Variants in TMOD1 observed in about 807,000 individuals in gnomAD.
TMOD1 encodes tropomodulin 1.
Under a neutral mutation model 40.6 loss-of-function variants are expected in TMOD1, and 17 were observed. The observed-to-expected ratio is 0.42, with a 90% CI of 0.29 to 0.63. The LOEUF is 0.63. Ranked by LOEUF, TMOD1 falls within the 20% of genes least tolerant of loss-of-function variation. The probability of loss-of-function intolerance (pLI) is 0.22; values close to 1 mark genes in which losing one functional copy is unlikely to be tolerated. For missense variants in TMOD1, 391 were observed against 447.6 expected, an observed-to-expected ratio of 0.87 and a Z score of 1.14; for synonymous variants, 181 against 175.0, an observed-to-expected ratio of 1.03 and a Z score of -0.27.
At chr9:97,514,275 C>CTTTTTTTTTTTTTTTTT (rs71369513) in intron 1 of TMOD1, among the ~76,000 whole-genome samples, 1 of 121,808 alleles carries the variant, frequency 8.2e-6, no homozygotes, top group Non-Finnish European at 1.7e-5. Context: ...TTTTCTTTTT[C>CTTTTTTTTTTTTTTTTT]TTTTTTTTTT....
chr9:97,526,676 G>A (rs190261788), intron 2 of TMOD1, among the ~76,000 whole-genome samples: 211 of 152,084 alleles, frequency 1.4e-3, no homozygotes, highest in African/African-American at 4.7e-3. Context: ...CTAACATCCC[G>A]GGAGCACAGT....
At chr9:97,511,114 G>C (rs1303948705) in intron 1 of TMOD1, among the ~76,000 whole-genome samples, 1 of 58,946 alleles carries the variant, frequency 1.7e-5, no homozygotes, top group Non-Finnish European at 3.9e-5. Context: ...ACACACACAG[G>C]CTTTTCCAAT....
At chr9:97,551,371 C>T (rs191361974) in intron 3 of TMOD1, among the ~76,000 whole-genome samples, 33 of 152,166 alleles carry the variant, frequency 2.2e-4, no homozygotes, top group Middle Eastern at 3.4e-3. Context: ...ATTTTGAGTT[C>T]AACTTTACAT....
chr9:97,572,580 G>T (rs1830837733), intron 8 of TMOD1, among the ~76,000 whole-genome samples: 1 of 152,122 alleles, frequency 6.6e-6, no homozygotes, highest in Non-Finnish European at 1.5e-5. Flanking sequence ...CCCTTCAGGT[G>T]CCCCAGCCCC....
At chr9:97,579,966 G>A (rs996252206) in intron 8 of TMOD1, among the ~76,000 whole-genome samples, 3 of 152,216 alleles carry the variant, frequency 2.0e-5, no homozygotes, top group African/African-American at 7.2e-5. Flanking sequence ...GCTTTTTGGA[G>A]TAGATCTCTG....
At chr9:97,566,330 G>T (rs1183043456) in intron 7 of TMOD1, among the ~76,000 whole-genome samples, 4 of 152,184 alleles carry the variant, frequency 2.6e-5, no homozygotes, top group African/African-American at 9.7e-5. Context: ...CATCATATTA[G>T]AACAAGAGCC....
chr9:97,525,210 G>T (rs187166325), intron 2 of TMOD1, among the ~76,000 whole-genome samples: 1 of 152,236 alleles, frequency 6.6e-6, no homozygotes, highest in African/African-American at 2.4e-5. Flanking sequence ...TCTTCTCCTT[G>T]CTGTCCTGTA....
chr9:97,509,005 G>A (rs564015582), intron 1 of TMOD1, among the ~76,000 whole-genome samples: 2 of 152,326 alleles, frequency 1.3e-5, no homozygotes, highest in East Asian at 3.9e-4. Context: ...TGATGTGGCT[G>A]CAAACCAAGG....
chr9:97,581,636 C>T (rs1825758325), intron 8 of TMOD1, among the ~76,000 whole-genome samples: 1 of 150,954 alleles, frequency 6.6e-6, no homozygotes, highest in East Asian at 2.0e-4. Flanking sequence ...TCCTATTTCT[C>T]CACATCCTCT....
At chr9:97,524,518 GTGTA>G (rs1455104953) in intron 2 of TMOD1, among the ~76,000 whole-genome samples, 24 of 150,852 alleles carry the variant, frequency 1.6e-4, no homozygotes, top group Non-Finnish European at 2.1e-4. Context: ...GTGTGTGTGT[GTGTA>G]TGTGTGTGTG....
At chr9:97,566,053 G>A in intron 7 of TMOD1, 98 bp downstream of exon 7, 1 of 1,048,950 alleles carries the variant, frequency 9.5e-7, no homozygotes, top group East Asian at 2.5e-5. Context: ...CACTAACAAA[G>A]AGCTCTATGT....
At chr9:97,556,767 G>T (rs747517335) in intron 4 of TMOD1, among the ~76,000 whole-genome samples, 2 of 152,240 alleles carry the variant, frequency 1.3e-5, no homozygotes, top group Non-Finnish European at 2.9e-5. Context: ...GGAGGCACTT[G>T]GGGTAGGGCT....
intron 2 of TMOD1, among the ~76,000 whole-genome samples, chr9:97,530,489 G>GT (rs1339339559): frequency 0.011 from 1,574 of 139,956 alleles, 15 homozygotes; most frequent in Middle Eastern, 0.022. Context: ...CTACTGAGGA[G>GT]TTTTTTTTTT....
At chr9:97,549,550 CTT>C (rs1162566949) in intron 3 of TMOD1, among the ~76,000 whole-genome samples, 1 of 152,156 alleles carries the variant, frequency 6.6e-6, no homozygotes. Flanking sequence ...GTGTTTTCCT[CTT>C]TTCTGGATCC....
At chr9:97,518,813 G>A (rs1042874183) in intron 1 of TMOD1, among the ~76,000 whole-genome samples, 1 of 152,188 alleles carries the variant, frequency 6.6e-6, no homozygotes, top group Non-Finnish European at 1.5e-5. Context: ...GAGGTAGATG[G>A]CATTGTCTTG....
At chr9:97,599,505 A>C (rs997130074) in intron 9 of TMOD1, 129 bp from the exon 10 acceptor site, 1 of 1,186,136 alleles carries the variant, frequency 8.4e-7, no homozygotes, top group African/African-American at 1.5e-5. Flanking sequence ...CTGTCCTTTC[A>C]AAACAACAGA....
intron 1 of TMOD1, among the ~76,000 whole-genome samples, chr9:97,503,884 G>C (rs1175694046): frequency 6.6e-6 from 1 of 152,190 alleles, no homozygotes; most frequent in African/African-American, 2.4e-5. Context: ...AGAGGGCTTA[G>C]AGTCTTCCTT....
chr9:97,571,446 G>C (rs1830816724), intron 8 of TMOD1, among the ~76,000 whole-genome samples: 1 of 152,228 alleles, frequency 6.6e-6, no homozygotes, highest in South Asian at 2.1e-4. Context: ...GGAGATAACA[G>C]ATGTAAACTC....
At chr9:97,538,422 C>T (rs1429743100) in intron 2 of TMOD1, among the ~76,000 whole-genome samples, 10 of 151,904 alleles carry the variant, frequency 6.6e-5, no homozygotes, top group Middle Eastern at 3.2e-3. Flanking sequence ...CATGAATTGA[C>T]GGCTGCTTTG....
Sources: gnomAD v4.1 joint callset for allele counts (sites outside exome capture counted in the v4.1 genomes callset) on GRCh38, gnomAD v4.1.1 for gene constraint, MANE v1.5 for transcripts, NCBI Gene and HGNC (gene_info 2026-07-23, HGNC 2026-07-21) for gene names.